The following ZMYND8 variants were observed in gnomAD, a reference collection of about 807,000 sequenced individuals.
ZMYND8 encodes the protein zinc finger MYND-type containing 8, also known as MYND-type zinc finger-containing chromatin reader ZMYND8.
Under a neutral mutation model 140.8 loss-of-function variants are expected in ZMYND8, and 37 were observed. That is an observed-to-expected ratio of 0.26 (90% confidence interval 0.20 to 0.35). ZMYND8 has a LOEUF of 0.35. Ranked by LOEUF, ZMYND8 falls within the 10% of genes least tolerant of loss-of-function variation. The pLI, the probability that ZMYND8 is intolerant of heterozygous loss-of-function variation, is 1.00. For missense variants in ZMYND8, 1,068 were observed against 1,570.0 expected (o/e 0.68, Z 5.40); for synonymous variants, 592 against 597.1 (o/e 0.99, Z 0.12).
chr20:47,260,653 C>A (rs754790096), intron 12 of ZMYND8, among the ~76,000 whole-genome samples: 2 of 152,246 alleles, frequency 1.3e-5, no homozygotes, highest in Non-Finnish European at 2.9e-5. Flanking sequence ...ACTGTGACAT[C>A]TGCTTCGCAA....
intron 3 of ZMYND8, among the ~76,000 whole-genome samples, chr20:47,302,226 G>A (rs1316897917): frequency 6.6e-6 from 1 of 152,116 alleles, no homozygotes; most frequent in African/African-American, 2.4e-5. Context: ...TGTAATGTCA[G>A]CACTTTGGGA....
intron 12 of ZMYND8, among the ~76,000 whole-genome samples, chr20:47,257,565 T>C (rs2074839821): frequency 6.6e-6 from 1 of 151,856 alleles, no homozygotes; most frequent in Non-Finnish European, 1.5e-5. Context: ...ATATACCATA[T>C]ACTCATCATA....
chr20:47,224,300 G>C lies in ZMYND8; in HGVS notation c.3256+17C>G, dbSNP rs1400759948. ...CCACTGCAGCCCAGGACGGGAGGCA[G>C]CCCCACAGGGCATTACCTGACTGGG... is the stretch of plus-strand genomic sequence containing the variant. On this transcript the variant is annotated intron_variant, in intron 19 of 22. Transcript: ENST00000471951. 1 of 1,613,348 alleles carries C rather than the reference G, an allele frequency of 6.2e-7. No homozygotes were observed. The highest frequency in any genetic ancestry group is 1.3e-5 in the African/African-American group (1 of 75,056).
chr20:47,354,715 C>T (rs534236587), intron 1 of ZMYND8: 1 of 152,150 alleles, frequency 6.6e-6, no homozygotes, highest in Non-Finnish European at 1.5e-5. Context: ...GAATATATTT[C>T]CTGCATTTAC....
intron 16 of ZMYND8, 58 bp downstream of exon 16, chr20:47,236,268 G>C (rs1423155430): frequency 6.2e-7 from 1 of 1,607,954 alleles, no homozygotes; most frequent in Non-Finnish European, 8.5e-7. Flanking sequence ...GGGAGACCAA[G>C]ATTCTGGCAT....
intron 1 of ZMYND8, chr20:47,349,068 TC>T (rs2082568893): frequency 6.6e-6 from 1 of 152,132 alleles, no homozygotes; most frequent in Non-Finnish European, 1.5e-5. Flanking sequence ...GAGAGAATGT[TC>T]CGTGGTCTGG....
chr20:47,281,558 G>A (rs1303769308), intron 10 of ZMYND8, among the ~76,000 whole-genome samples: 1 of 152,120 alleles, frequency 6.6e-6, no homozygotes, highest in Non-Finnish European at 1.5e-5. Context: ...TCACTCTGCC[G>A]TGTACGGAGG....
At chr20:47,356,349 AG>A in intron 1 of ZMYND8, 3 of 1,460,446 alleles carry the variant, frequency 2.1e-6, no homozygotes, top group Middle Eastern at 1.8e-4. Flanking sequence ...AAAAAAAAGA[AG>A]GAAAAAAAAA....
At chr20:47,252,977 T>A (rs188983545) in intron 12 of ZMYND8, among the ~76,000 whole-genome samples, 12 of 152,258 alleles carry the variant, frequency 7.9e-5, no homozygotes, top group Non-Finnish European at 1.3e-4. Context: ...CCATACAGGC[T>A]CTGTTGCAAA....
chr20:47,353,285 A>T (rs1428268320), intron 1 of ZMYND8: 1 of 152,224 alleles, frequency 6.6e-6, no homozygotes, highest in African/African-American at 2.4e-5. Flanking sequence ...TGTTGAAAAT[A>T]AAAGGGATGA....
At chr20:47,306,319 G>A (rs763804804) in intron 3 of ZMYND8, among the ~76,000 whole-genome samples, 8 of 151,974 alleles carry the variant, frequency 5.3e-5, no homozygotes, top group South Asian at 2.1e-4. Context: ...TGCTTGAGCC[G>A]GGGAGGTCGA....
intron 16 of ZMYND8, 36 bp from the exon 17 acceptor site, chr20:47,229,842 C>T: frequency 6.4e-7 from 1 of 1,564,132 alleles, no homozygotes; most frequent in South Asian, 1.1e-5. Flanking sequence ...CAGCTGATCA[C>T]TTCTTGGAGG....
chr20:47,352,417 A>G, intron 1 of ZMYND8: 2 of 977,684 alleles, frequency 2.0e-6, no homozygotes, highest in Non-Finnish European at 2.4e-6. Flanking sequence ...AAGGAAAGAC[A>G]ATCCGAGTCT....
chr20:47,305,422 G>T (rs577095789), intron 3 of ZMYND8, among the ~76,000 whole-genome samples: 2 of 152,076 alleles, frequency 1.3e-5, no homozygotes, highest in South Asian at 4.2e-4. Context: ...TCTATTTTTA[G>T]TAGAGATGAG....
rs746835733 is a variant in ZMYND8 at position 47,212,664 on chromosome 20, G to A, written c.3546C>T (p.His1182=). The A allele has an allele frequency of 2.5e-6, 4 of 1,613,984 alleles. No homozygotes were observed. The highest frequency in any genetic ancestry group is 4.5e-5 in the East Asian group (2 of 44,866). The change falls in exon 22 of 23, where the codon CAC becomes CAT. Residue 1182 remains histidine, a synonymous_variant. Coordinates refer to ENST00000471951, the MANE Select transcript of ZMYND8 (RefSeq NM_001281775.3). ...TACACTTCTGGGCGGGGTAGTTGGGGTGCGGCTGGTGGTCTGTGGTGGTTG... is the reference window on the plus strand; with the variant it reads ...TACACTTCTGGGCGGGGTAGTTGGGATGCGGCTGGTGGTCTGTGGTGGTTG... ...YAPTTTDHQP[H]PNYPAQKYHS...
chr20:47,253,633 T>C (rs1047504987), intron 12 of ZMYND8, among the ~76,000 whole-genome samples: 1 of 152,142 alleles, frequency 6.6e-6, no homozygotes, highest in Non-Finnish European at 1.5e-5. Flanking sequence ...CAATCTTCTA[T>C]GTGAGTAAAG....
At chr20:47,285,270 A>G (rs1042128146) in intron 8 of ZMYND8, among the ~76,000 whole-genome samples, 4 of 152,206 alleles carry the variant, frequency 2.6e-5, no homozygotes, top group African/African-American at 7.2e-5. Context: ...TTTAACTCTT[A>G]TCATGCAAGG....
intron 2 of ZMYND8, among the ~76,000 whole-genome samples, chr20:47,338,905 G>C (rs1369573111): frequency 1.3e-5 from 2 of 151,938 alleles, no homozygotes; most frequent in African/African-American, 2.4e-5. Context: ...TGGACTCCTA[G>C]ATGGAGAGAA....
chr20:47,331,462 G>A (rs1012514260), intron 2 of ZMYND8, among the ~76,000 whole-genome samples: 4 of 152,216 alleles, frequency 2.6e-5, no homozygotes, highest in Admixed American at 6.5e-5. Context: ...AGACGCCCAT[G>A]AACAGGCAGG....
Sources: gnomAD v4.1 joint callset for allele counts (sites outside exome capture counted in the v4.1 genomes callset) on GRCh38, gnomAD v4.1.1 for gene constraint, MANE v1.5 for transcripts, NCBI Gene and HGNC (gene_info 2026-07-23, HGNC 2026-07-21) for gene names.